The following C5orf47 variants were observed in gnomAD, a reference collection of about 807,000 sequenced individuals.
The protein encoded by C5orf47 is chromosome 5 open reading frame 47.
In C5orf47, 20 loss-of-function variants were observed where a neutral mutation model predicts 20.6. The ratio of observed to expected loss-of-function variants is 0.97; its 90% CI spans 0.68 to 1.41. C5orf47 has a LOEUF of 1.41. Ranked by LOEUF, C5orf47 falls within the 40% of genes most tolerant of loss-of-function variation. The pLI, the probability that C5orf47 is intolerant of heterozygous loss-of-function variation, is 0.00. For synonymous variants in C5orf47, 106 were observed against 97.3 expected, an observed-to-expected ratio of 1.09 and a Z score of -0.53; for missense variants, 262 against 238.4, an observed-to-expected ratio of 1.10 and a Z score of -0.65.
At position 173,990,190 on chromosome 5, in the gene C5orf47, A is replaced by G. The variant is rs556392269; in HGVS notation, c.325+602A>G. Among the ~76,000 whole-genome samples, 9 of 149,538 alleles carry G rather than the reference A, an allele frequency of 6.0e-5. No homozygotes were observed. The South Asian group carries it at 1.3e-3, about 21-fold the overall frequency. ...ACTCAGGCTGGAGTGTGGTGGTCCAATCACAGGCTCACTGCAGCCTTGACC... is the reference window on the plus strand; with the variant it reads ...ACTCAGGCTGGAGTGTGGTGGTCCAGTCACAGGCTCACTGCAGCCTTGACC... On this transcript the variant is annotated intron_variant, in intron 1 of 4. Transcript: ENST00000340147.
chr5:174,007,543 A>G (rs7711681), downstream of C5orf47, among the ~76,000 whole-genome samples: 69 of 149,794 alleles, frequency 4.6e-4, no homozygotes, highest in Non-Finnish European at 8.1e-4. Context: ...CCTCAGGGCT[A>G]TGTTAACTCT....
downstream of C5orf47, among the ~76,000 whole-genome samples, chr5:174,006,346 G>GA (rs1759293310): frequency 6.6e-6 from 1 of 152,224 alleles, no homozygotes; most frequent in African/African-American, 2.4e-5. Flanking sequence ...GCAGGGAAGG[G>GA]AGGGAAGAGA....
chr5:173,989,989 T>A (rs892060714), intron 1 of C5orf47, among the ~76,000 whole-genome samples: 5 of 152,236 alleles, frequency 3.3e-5, no homozygotes, highest in Admixed American at 6.5e-5. Context: ...ATGTCTTCAA[T>A]TCAAAAATTA....
At chr5:174,009,414 TGAAAC>T (rs1259904934), downstream of C5orf47, among the ~76,000 whole-genome samples, 8 of 152,318 alleles carry the variant, frequency 5.3e-5, no homozygotes, top group African/African-American at 1.7e-4. Context: ...TTTATATTCT[TGAAAC>T]GAATGCTTAC....
In C5orf47 at chr5:174,004,553, A is replaced by G. The variant is rs1307062943; in HGVS notation, c.*299A>G. ...TTAACCTCATACATAAAATTAAATT[A>G]GCATATCAATGCAATTGCATGAATT... On this transcript the variant is annotated 3_prime_UTR_variant, in exon 5 of 5. Coordinates refer to ENST00000340147, the MANE Select transcript of C5orf47 (RefSeq NM_001144954.2). The G allele has an allele frequency of 6.6e-6, 1 of 152,278 alleles. No homozygotes were observed. Among genetic ancestry groups the G allele is most frequent in the South Asian group, 2.1e-4 (1 of 4,836 alleles). The allele number at this position is 152,278 out of a possible 1,614,324, so 9.4% of individuals were successfully genotyped here.
chr5:173,996,981 C>T (rs1759110277), intron 1 of C5orf47, among the ~76,000 whole-genome samples: 1 of 152,124 alleles, frequency 6.6e-6, no homozygotes, highest in Non-Finnish European at 1.5e-5. Context: ...TGTCTGTGAC[C>T]TGCTCCAAAT....
intron 4 of C5orf47, among the ~76,000 whole-genome samples, chr5:174,002,085 A>T (rs1362144497): frequency 6.6e-6 from 1 of 151,376 alleles, no homozygotes; most frequent in Non-Finnish European, 1.5e-5. Flanking sequence ...TTCCCTCCCA[A>T]GTAGATAGGA....
chr5:173,996,280 TAAGTC>T (rs1759096568), intron 1 of C5orf47, among the ~76,000 whole-genome samples: 1 of 152,150 alleles, frequency 6.6e-6, no homozygotes, highest in Non-Finnish European at 1.5e-5. Context: ...ATTTGAAACA[TAAGTC>T]AGGACAAAAT....
Position 174,001,581 on chromosome 5 carries a change from AG to A in C5orf47, c.*16+351del, listed in dbSNP as rs559831112. On this transcript the variant is annotated intron_variant, in intron 4 of 4. Transcript: ENST00000340147. ...CTTCTTTTCGTTTATACCTCTACTT[AG>A]TCCTCTTTTCCTTTGAATATACTGT... Among the ~76,000 whole-genome samples, 89 of 151,974 alleles carry A rather than the reference AG, an allele frequency of 5.9e-4. 1 individual carries two copies. The highest frequency in any genetic ancestry group is 3.5e-3 in the Admixed American group (53 of 15,262).
downstream of C5orf47, among the ~76,000 whole-genome samples, chr5:174,006,739 C>T (rs755266087): frequency 6.6e-6 from 1 of 151,904 alleles, no homozygotes; most frequent in Non-Finnish European, 1.5e-5. Context: ...GGGAGAATGC[C>T]GAGTTAGGTG....
chr5:174,006,019 T>G lies in C5orf47; in HGVS notation c.*1765T>G, dbSNP rs1759287591. The G allele has an allele frequency of 6.6e-6, 1 of 152,344 alleles. No homozygotes were observed. The highest frequency in any genetic ancestry group is 2.4e-5 in the African/African-American group (1 of 41,448). 9.4% of individuals were successfully genotyped at this position (152,344 alleles called of 1,614,324 possible). A position where few individuals can be genotyped will look rare whatever the true frequency, so the allele number is the denominator to read the frequency against. On this transcript the variant is annotated 3_prime_UTR_variant, in exon 5 of 5. Transcript: ENST00000340147. ...TATGTTAAATAGAATATAATAAACATAAGACTTTTCTTTACTGATACATCA... is the reference window on the plus strand; with the variant it reads ...TATGTTAAATAGAATATAATAAACAGAAGACTTTTCTTTACTGATACATCA...
rs1487915731 is a variant in C5orf47, at chr5:174,001,207, A to T, written c.523A>T (p.Thr175Ser). ...QRLSSESSNYTR is the reference protein window; with the variant it reads ...QRLSSESSNYSR ...TATGTTGTTTGCAGGCTCAAATTAC[A>T]CAAGATGAATCTTCTTATCTTCTGG... is the stretch of plus-strand genomic sequence containing the variant. Residue 175 changes from threonine (T) to serine (S), a missense_variant, in exon 4 of 5, where the codon ACA becomes TCA. Transcript: ENST00000340147. 4.6e-6 allele frequency: 7 copies of T among 1,517,528 alleles called. No homozygotes were observed. In the African/African-American group the frequency reaches 6.9e-5, roughly 15 times the overall value. 94.0% of individuals were successfully genotyped at this position (1,517,528 alleles called of 1,614,324 possible). A position where few individuals can be genotyped will look rare whatever the true frequency, so the allele number is the denominator to read the frequency against.
In C5orf47 at chr5:174,005,892, A is replaced by G. The variant is rs1057398813; in HGVS notation, c.*1638A>G. On this transcript the variant is annotated 3_prime_UTR_variant, in exon 5 of 5. Coordinates refer to ENST00000340147, the MANE Select transcript of C5orf47 (RefSeq NM_001144954.2). ...CAGTTTATTTCACTGTTCTAGAACC[A>G]TGGAGGAATGAAGACTCCCACTGAA... 1 of 152,368 alleles carries G rather than the reference A, an allele frequency of 6.6e-6. No individual in the cohort carries two copies. The highest frequency in any genetic ancestry group is 1.5e-5 in the Non-Finnish European group (1 of 68,040). The allele number at this position is 152,368 out of a possible 1,614,324, so 9.4% of individuals were successfully genotyped here.
rs113342701 is a variant in C5orf47 at position 174,002,579 on chromosome 5, G to A, written c.*16+1348G>A. Among the ~76,000 whole-genome samples, 1,249 of 148,122 alleles carry A rather than the reference G, an allele frequency of 8.4e-3. 17 individuals carry two copies. The highest frequency in any genetic ancestry group is 0.031 in the African/African-American group (1,173 of 38,426). Reference sequence around the variant, plus strand: ...TTGCTGTTTTTTAACATCTTGCCACGTTTGCTTGCTCATTCTTCTTCTCTC... The same window carrying A: ...TTGCTGTTTTTTAACATCTTGCCACATTTGCTTGCTCATTCTTCTTCTCTC... On this transcript the variant is annotated intron_variant, in intron 4 of 4. Transcript: ENST00000340147.
intron 3 of C5orf47, 72 bp from the exon 4 acceptor site, chr5:174,001,124 G>A (rs1293386555): frequency 4.6e-6 from 4 of 872,576 alleles, no homozygotes; most frequent in Non-Finnish European, 7.4e-6. Context: ...ATTCCATAAT[G>A]TATATTTATT....
In C5orf47 at chr5:174,001,265, T is replaced by C. The variant is rs188814530; in HGVS notation, c.*16+34T>C. 1.8e-4 allele frequency: 208 copies of C among 1,150,918 alleles called. 2 individuals carry two copies. Among genetic ancestry groups the C allele is most frequent in the Admixed American group, 1.4e-3 (62 of 45,740 alleles). The allele number at this position is 1,150,918 out of a possible 1,614,324, so 71.3% of individuals were successfully genotyped here. On this transcript the variant is annotated intron_variant, in intron 4 of 4. Transcript: ENST00000340147. ...TTATTTACGTAATAATTATGGAATATAGATTTTATTCCCTTCCCTTCTGTA... is the reference window on the plus strand; with the variant it reads ...TTATTTACGTAATAATTATGGAATACAGATTTTATTCCCTTCCCTTCTGTA...
intron 4 of C5orf47, among the ~76,000 whole-genome samples, chr5:174,003,674 T>A (rs1338196253): frequency 6.6e-6 from 1 of 152,056 alleles, no homozygotes; most frequent in East Asian, 1.9e-4. Context: ...TATCAGGCAA[T>A]GTCGAGGATA....
At chr5:173,997,841 T>C (rs1046837863) in intron 1 of C5orf47, among the ~76,000 whole-genome samples, 8 of 152,140 alleles carry the variant, frequency 5.3e-5, no homozygotes, top group African/African-American at 1.9e-4. Flanking sequence ...AGAGATACAC[T>C]GGGGCAAGAT....
chr5:173,999,199 T>C (rs1359781148), intron 2 of C5orf47, among the ~76,000 whole-genome samples: 1 of 152,180 alleles, frequency 6.6e-6, no homozygotes. Flanking sequence ...AGCCTAGATC[T>C]ATTTGTTTGA....
Sources: gnomAD v4.1 joint callset for allele counts (sites outside exome capture counted in the v4.1 genomes callset) on GRCh38, gnomAD v4.1.1 for gene constraint, MANE v1.5 for transcripts, NCBI Gene and HGNC (gene_info 2026-07-23, HGNC 2026-07-21) for gene names.